The following POLRMT variants were observed in gnomAD, a reference collection of about 807,000 sequenced individuals.
The protein encoded by POLRMT is DNA-directed RNA polymerase, mitochondrial.
In POLRMT, 114 loss-of-function variants were observed where a neutral mutation model predicts 132.2. The observed-to-expected ratio is 0.86, with a 90% CI of 0.74 to 1.01. The LOEUF (loss-of-function observed/expected upper bound fraction) is 1.01. Ranked by LOEUF, POLRMT falls within the 50% of genes least tolerant of loss-of-function variation. POLRMT has a pLI of 0.00. For missense variants in POLRMT, 2,003 were observed against 1,729.1 expected, an observed-to-expected ratio of 1.16 and a Z score of -2.81; for synonymous variants, 1,020 against 773.4, an observed-to-expected ratio of 1.32 and a Z score of -5.29.
chr19:621,070 G>A lies in POLRMT; in HGVS notation c.2628C>T (p.Asp876=), dbSNP rs77809401. ...GCCCCGCCCCTACCGTCAAGGGTTG[G>A]TCCGCGGAGTCCAGGATGTCATCCA... ...EVMDDILDSA[D]QPLTGRKWWM... Residue 876 remains aspartate, a synonymous_variant, in exon 10 of 21, where the codon GAC becomes GAT. Transcript: ENST00000588649. The A allele has an allele frequency of 0.096, 127,702 of 1,324,470 alleles. 12,928 individuals carry two copies. The highest frequency in any genetic ancestry group is 0.2 in the South Asian group (13,219 of 64,484). The allele number at this position is 1,324,470 out of a possible 1,614,324, so 82.0% of individuals were successfully genotyped here.
At chr19:623,877 G>A (rs549837418) in intron 5 of POLRMT, among the ~76,000 whole-genome samples, 12 of 152,162 alleles carry the variant, frequency 7.9e-5, no homozygotes, top group Non-Finnish European at 1.5e-4. Context: ...CAGAGCCTGG[G>A]GAGACCGTTC....
In POLRMT at chr19:633,434, CG is replaced by C; in HGVS notation, c.78del (p.Gly27AlafsTer57). 2 of 1,547,598 alleles carry C rather than the reference CG, an allele frequency of 1.3e-6. No homozygotes were observed. Among genetic ancestry groups the C allele is most frequent in the Non-Finnish European group, 1.7e-6 (2 of 1,146,440 alleles). On this transcript the variant is annotated frameshift_variant, in exon 1 of 21. Transcript: ENST00000588649. LOFTEE classifies it high-confidence loss of function. ...ALRPCGRPGL[P>X]GKEGTAGGVC... is the part of the protein sequence containing the mutation. ...TCTCCCTTTGTGTTACCTTCTTTGC[CG>C]GGGAGTCCCGGGCGGCCGCAAGGCC...
chr19:622,801 C>A lies in POLRMT; in HGVS notation c.1455+20G>T, dbSNP rs1052987464. ...CTGCCCGCCCCGCCCGGGGACCCGGCCGCGCGGAGGAAGACGCACCTGCAG... is the reference window on the plus strand; with the variant it reads ...CTGCCCGCCCCGCCCGGGGACCCGGACGCGCGGAGGAAGACGCACCTGCAG... On this transcript the variant is annotated intron_variant, in intron 7 of 20. Transcript: ENST00000588649. The A allele has an allele frequency of 2.5e-6, 4 of 1,571,844 alleles. No individual in the cohort carries two copies. The highest frequency in any genetic ancestry group is 3.5e-6 in the Non-Finnish European group (4 of 1,158,994).
At chr19:620,332 C>T in intron 11 of POLRMT, 33 bp downstream of exon 11, 2 of 1,536,602 alleles carry the variant, frequency 1.3e-6, no homozygotes, top group South Asian at 2.5e-5. Context: ...GTGCACACTG[C>T]ACGGCCTCGG....
chr19:618,365 C>G, intron 17 of POLRMT, 123 bp downstream of exon 17: 1 of 748,004 alleles, frequency 1.3e-6, no homozygotes, highest in Non-Finnish European at 2.1e-6. Context: ...GCCCCACAGA[C>G]ACAGCAGATC....
intron 17 of POLRMT, chr19:618,115 T>A: frequency 1.8e-6 from 1 of 570,180 alleles, no homozygotes; most frequent in Non-Finnish European, 3.1e-6. Context: ...CGAGGGCGGC[T>A]ACGAGGTCCC....
chr19:624,680 T>G, intron 5 of POLRMT, 39 bp downstream of exon 5: 1 of 1,590,896 alleles, frequency 6.3e-7, no homozygotes, highest in Non-Finnish European at 8.6e-7. Flanking sequence ...AAAGGGCAGC[T>G]ATAAGGACTG....
intron 18 of POLRMT, 60 bp from the exon 19 acceptor site, chr19:617,715 C>T: frequency 1.9e-6 from 3 of 1,611,274 alleles, no homozygotes; most frequent in South Asian, 2.2e-5. Context: ...ACCACCCCTA[C>T]CCAACGCCCC....
At chr19:627,912 G>A (rs1400977475) in intron 3 of POLRMT, among the ~76,000 whole-genome samples, 2 of 126,908 alleles carry the variant, frequency 1.6e-5, no homozygotes, top group East Asian at 2.4e-4. Context: ...GCAACAGACA[G>A]AGAGTCTATC....
chr19:631,484 G>A (rs952585548), intron 2 of POLRMT, among the ~76,000 whole-genome samples: 4 of 150,806 alleles, frequency 2.7e-5, no homozygotes, highest in African/African-American at 4.9e-5. Flanking sequence ...CTAAAAATAC[G>A]AAAAATTAAC....
In POLRMT at chr19:618,823, G is replaced by A. The variant is rs890560513; in HGVS notation, c.3268-63C>T. 8 of 1,527,462 alleles carry A rather than the reference G, an allele frequency of 5.2e-6. No homozygotes were observed. In the African/African-American group the frequency reaches 5.5e-5, roughly 11 times the overall value. 94.6% of individuals were successfully genotyped at this position (1,527,462 alleles called of 1,614,324 possible). A position where few individuals can be genotyped will look rare whatever the true frequency, so the allele number is the denominator to read the frequency against. On this transcript the variant is annotated intron_variant, in intron 15 of 20. Transcript: ENST00000588649. ...CCCAGCACGGTGGTGGTACATTGAG[G>A]TGGTGGTACACTGGGGTAGTGGCAC...
In POLRMT at chr19:617,273, G is replaced by GTC; in HGVS notation, c.3692_3693dup. On this transcript the variant is annotated 3_prime_UTR_variant, in exon 21 of 21. Transcript: ENST00000588649. ...TACACACTGACAAGGCTCACGGGGT[G>GTC]TCAGCTGAAGAAGTAGGTGGAACGC... is the stretch of plus-strand genomic sequence containing the variant. The GTC allele has an allele frequency of 6.2e-7, 1 of 1,612,780 alleles. No individual in the cohort carries two copies. Among genetic ancestry groups the GTC allele is most frequent in the Non-Finnish European group, 8.5e-7 (1 of 1,179,872 alleles).
intron 3 of POLRMT, among the ~76,000 whole-genome samples, chr19:626,884 T>TACACACACACACACACAC (rs1290099212): frequency 3.1e-5 from 3 of 95,294 alleles, no homozygotes; most frequent in African/African-American, 1.4e-4. Flanking sequence ...TGTCTTAAAA[T>TACACACACACACACACAC]ATACACACAC....
chr19:619,520 C>T (rs1984327261), intron 13 of POLRMT, 66 bp downstream of exon 13: 2 of 1,585,594 alleles, frequency 1.3e-6, no homozygotes, highest in Non-Finnish European at 1.7e-6. Flanking sequence ...GGGTCGGGGG[C>T]ACACCCGTCT....
chr19:633,467 C>T lies in POLRMT; in HGVS notation c.46G>A (p.Ala16Thr). 6.4e-7 allele frequency: 1 copy of T among 1,562,892 alleles called. No individual in the cohort carries two copies. Among genetic ancestry groups the T allele is most frequent in the Non-Finnish European group, 8.7e-7 (1 of 1,155,590 alleles). The change falls in exon 1 of 21, where the codon GCC becomes ACC. Residue 16 changes from alanine to threonine, a missense_variant. Ala to Thr is a moderately conservative substitution (Grantham distance 58). Coordinates refer to ENST00000588649, the MANE Select transcript of POLRMT (RefSeq NM_005035.4). ...CCCGGGCGGCCGCAAGGCCGTAGGG[C>T]TCGTTTGAGCCCCGCCGCTCCGCGG... ...WGRGAAGLKR[A>T]LRPCGRPGLP... is the part of the protein sequence containing the mutation.
rs141490879 is a variant in POLRMT at position 622,832 on chromosome 19, T to C, written c.1444A>G (p.Met482Val). ...CLLDEREVVR[M>V]LLQVLQALPA... ...GGAGGAAGACGCACCTGCAGGAGCA[T>C]CCGCACCACCTCGCGCTCGTCCAGC... is the stretch of plus-strand genomic sequence containing the variant. Residue 482 changes from methionine to valine, a missense_variant, in exon 7 of 21, where the codon ATG (methionine) becomes GTG (valine). Met to Val is a conservative substitution (Grantham distance 21). Transcript: ENST00000588649. The C allele has an allele frequency of 5.2e-4, 824 of 1,596,198 alleles. 4 individuals carry two copies. The African/African-American group carries it at 9.2e-3, about 18-fold the overall frequency.
intron 3 of POLRMT, 118 bp downstream of exon 3, chr19:629,422 A>T: frequency 1.8e-6 from 2 of 1,085,344 alleles, no homozygotes; most frequent in African/African-American, 1.6e-5. Flanking sequence ...AAGAATTATT[A>T]AAATAAAAAA....
At chr19:626,696 CA>C (rs59746130) in intron 3 of POLRMT, among the ~76,000 whole-genome samples, 30 of 105,012 alleles carry the variant, frequency 2.9e-4, no homozygotes, top group South Asian at 9.8e-4. Flanking sequence ...ACTAAAAATA[CA>C]AAAAAAAAAA....
chr19:628,406 G>A (rs948096163), intron 3 of POLRMT, among the ~76,000 whole-genome samples: 4 of 152,178 alleles, frequency 2.6e-5, no homozygotes, highest in Non-Finnish European at 4.4e-5. Flanking sequence ...GCAGCACGCC[G>A]CCTCCACCTC....
Sources: gnomAD v4.1 joint callset for allele counts (sites outside exome capture counted in the v4.1 genomes callset) on GRCh38, gnomAD v4.1.1 for gene constraint, MANE v1.5 for transcripts, NCBI Gene and HGNC (gene_info 2026-07-23, HGNC 2026-07-21) for gene names.